The following ZNF143 variants were observed in gnomAD, a reference collection of about 807,000 sequenced individuals.
ZNF143 encodes the protein SPH-binding factor.
A neutral mutation model predicts 74.1 loss-of-function variants in ZNF143; 49 were observed. That is an observed-to-expected ratio of 0.66 (90% CI 0.53 to 0.84). The LOEUF (loss-of-function observed/expected upper bound fraction) is 0.84. Among genes scored for constraint, ZNF143 ranks in the 40% least tolerant of loss-of-function variants. ZNF143 has a pLI of 0.00. For synonymous variants in ZNF143, 304 were observed against 282.8 expected (o/e 1.07, Z -0.75); for missense variants, 637 against 793.4 (o/e 0.80, Z 2.37).
intron 7 of ZNF143, among the ~76,000 whole-genome samples, chr11:9,480,841 C>A (rs533026845): frequency 4.6e-5 from 7 of 150,594 alleles, no homozygotes; most frequent in African/African-American, 1.7e-4. Context: ...GAGCCAAGAT[C>A]GCGCTGTTGC....
chr11:9,484,928 G>GGA (rs1847407556), intron 7 of ZNF143, among the ~76,000 whole-genome samples: 1 of 148,412 alleles, frequency 6.7e-6, no homozygotes, highest in African/African-American at 2.5e-5. Flanking sequence ...CTCCTGCATA[G>GGA]CTGGGACTAC....
chr11:9,496,856 C>T (rs567788911), intron 9 of ZNF143, among the ~76,000 whole-genome samples: 1 of 152,194 alleles, frequency 6.6e-6, no homozygotes, highest in South Asian at 2.1e-4. Context: ...CCTCGGCCTC[C>T]CAAAATGCTG....
intron 6 of ZNF143, among the ~76,000 whole-genome samples, chr11:9,479,126 G>C (rs998944710): frequency 6.6e-6 from 1 of 151,616 alleles, no homozygotes; most frequent in Non-Finnish European, 1.5e-5. Context: ...TAACTTAAAA[G>C]GTTTTATTTC....
chr11:9,468,941 C>G (rs557664511), intron 1 of ZNF143, among the ~76,000 whole-genome samples: 1 of 151,964 alleles, frequency 6.6e-6, no homozygotes, highest in African/African-American at 2.4e-5. Flanking sequence ...CGAGACCAGC[C>G]TGGCCAACAT....
At chr11:9,487,835 T>C (rs1589892966) in intron 7 of ZNF143, among the ~76,000 whole-genome samples, 2 of 152,228 alleles carry the variant, frequency 1.3e-5, no homozygotes, top group South Asian at 4.1e-4. Context: ...AGACTGCACA[T>C]ATCTCATGCT....
At chr11:9,518,450 C>T (rs942378743) in intron 14 of ZNF143, among the ~76,000 whole-genome samples, 5 of 152,184 alleles carry the variant, frequency 3.3e-5, no homozygotes, top group African/African-American at 9.6e-5. Flanking sequence ...CGGTGGCTCA[C>T]GCCTGTAATC....
At chr11:9,494,458 A>C (rs1238610533) in intron 7 of ZNF143, among the ~76,000 whole-genome samples, 188 bp from the exon 8 acceptor site, 3 of 151,798 alleles carry the variant, frequency 2.0e-5, no homozygotes, top group Non-Finnish European at 2.9e-5. Flanking sequence ...CAGATGCACC[A>C]CTACACCTGG....
At chr11:9,495,109 A>G (rs1043373757) in intron 8 of ZNF143, among the ~76,000 whole-genome samples, 6 of 152,318 alleles carry the variant, frequency 3.9e-5, no homozygotes, top group Admixed American at 2.0e-4. Context: ...CTGTTAATTC[A>G]CTGAAATCTA....
chr11:9,461,190 C>A, intron 1 of ZNF143, 114 bp downstream of exon 1: 1 of 648,610 alleles, frequency 1.5e-6, no homozygotes, highest in Non-Finnish European at 1.9e-6. Context: ...GCTGCTCAGC[C>A]TCCGCCGCAG....
chr11:9,488,073 T>C (rs1847630683), intron 7 of ZNF143, among the ~76,000 whole-genome samples: 1 of 152,162 alleles, frequency 6.6e-6, no homozygotes, highest in Admixed American at 6.6e-5. Context: ...TTCCCCGCTA[T>C]TACTGTAGTT....
At chr11:9,518,296 A>C (rs1052293737) in intron 14 of ZNF143, among the ~76,000 whole-genome samples, 1 of 152,224 alleles carries the variant, frequency 6.6e-6, no homozygotes, top group Non-Finnish European at 1.5e-5. Context: ...GTGAGGAAAC[A>C]ACCACCACCA....
intron 1 of ZNF143, chr11:9,461,692 A>G (rs1855864634): frequency 6.6e-6 from 1 of 152,126 alleles, no homozygotes; most frequent in Non-Finnish European, 1.5e-5. Context: ...AGAAATTTAC[A>G]ATTTTATCCT....
In ZNF143 at chr11:9,525,396, A is replaced by C; in HGVS notation, c.1833+10A>C. Reference sequence around the variant, plus strand: ...CCAGATTGCAGTTCAGGTGAGTACCAAGGCATACTGTCCTCAGTCGACAGC... The same window carrying C: ...CCAGATTGCAGTTCAGGTGAGTACCCAGGCATACTGTCCTCAGTCGACAGC... On this transcript the variant is annotated intron_variant, in intron 15 of 15. Transcript: ENST00000396602. 6.2e-7 allele frequency: 1 copy of C among 1,614,018 alleles called. No individual in the cohort carries two copies. The highest frequency in any genetic ancestry group is 8.5e-7 in the Non-Finnish European group (1 of 1,179,934).
At chr11:9,487,904 G>A (rs1056610795) in intron 7 of ZNF143, among the ~76,000 whole-genome samples, 1 of 152,030 alleles carries the variant, frequency 6.6e-6, no homozygotes, top group African/African-American at 2.4e-5. Flanking sequence ...TTGAGTTTTG[G>A]ATTCTGTCCA....
chr11:9,521,119 T>C (rs1452370871), intron 14 of ZNF143, among the ~76,000 whole-genome samples: 1 of 152,170 alleles, frequency 6.6e-6, no homozygotes, highest in African/African-American at 2.4e-5. Flanking sequence ...GGAACACGTT[T>C]GTTACTGTTG....
At chr11:9,520,845 G>A (rs940364954) in intron 14 of ZNF143, among the ~76,000 whole-genome samples, 4 of 152,208 alleles carry the variant, frequency 2.6e-5, no homozygotes, top group African/African-American at 9.6e-5. Flanking sequence ...AACATTTGGA[G>A]TTGTTTTAAA....
intron 15 of ZNF143, among the ~76,000 whole-genome samples, chr11:9,525,695 GT>G (rs1849101562): frequency 6.6e-6 from 1 of 152,148 alleles, no homozygotes; most frequent in Admixed American, 6.5e-5. Context: ...GCAGGGGTCT[GT>G]AAAGCACTTA....
chr11:9,486,727 G>A (rs1381993605), intron 7 of ZNF143, among the ~76,000 whole-genome samples: 4 of 149,876 alleles, frequency 2.7e-5, no homozygotes, highest in Non-Finnish European at 5.9e-5. Flanking sequence ...GGAGTGCAGT[G>A]GTGTAATCTC....
chr11:9,492,859 TA>T (rs1401084399), intron 7 of ZNF143, among the ~76,000 whole-genome samples: 11 of 152,264 alleles, frequency 7.2e-5, no homozygotes, highest in Non-Finnish European at 1.5e-4. Flanking sequence ...GACAGTTGAT[TA>T]AAGTTTCACA....
Sources: allele counts gnomAD v4.1 joint callset (sites outside exome capture counted in the v4.1 genomes callset), GRCh38; gene constraint gnomAD v4.1.1; transcripts MANE v1.5; gene names NCBI Gene and HGNC (gene_info 2026-07-23, HGNC 2026-07-21).